The following ZNF107 variants were observed in gnomAD, a reference collection of about 807,000 sequenced individuals.
The protein encoded by ZNF107 is C2H2 type zinc-finger protein.
ZNF107 carries 19 observed loss-of-function variants against 12.3 expected under a neutral mutation model. That is an observed-to-expected ratio of 1.55 (90% CI 1.08 to 2.27). The LOEUF (loss-of-function observed/expected upper bound fraction) is 2.27, where lower values mean the gene tolerates loss of function less well. Ranked by LOEUF, ZNF107 falls within the 30% of genes most tolerant of loss-of-function variation. ZNF107 has a pLI of 0.00. For synonymous variants in ZNF107, 317 were observed against 330.5 expected, an observed-to-expected ratio of 0.96 and a Z score of 0.44; for missense variants, 958 against 979.9, an observed-to-expected ratio of 0.98 and a Z score of 0.30.
chr7:64,683,307 C>T (rs1789760666), intron 1 of ZNF107, among the ~76,000 whole-genome samples: 1 of 152,180 alleles, frequency 6.6e-6, no homozygotes, highest in African/African-American at 2.4e-5. Context: ...CTCCTTAAGG[C>T]TGCTCTTCTG....
intron 1 of ZNF107, among the ~76,000 whole-genome samples, chr7:64,682,260 A>G (rs368170238): frequency 7.9e-5 from 12 of 151,902 alleles, no homozygotes; most frequent in African/African-American, 2.9e-4. Context: ...ATAATTCTCC[A>G]TCAGCACACC....
intron 3 of ZNF107, among the ~76,000 whole-genome samples, chr7:64,692,259 G>T (rs1315911155): frequency 6.6e-6 from 1 of 152,014 alleles, no homozygotes; most frequent in African/African-American, 2.4e-5. Context: ...TGTTTTGGGG[G>T]ACACACATAC....
Position 64,706,865 on chromosome 7 carries a change from C to T in ZNF107, c.768C>T (p.Pro256=). The change falls in exon 4 of 4, where the codon CCC becomes CCT. Residue 256 remains proline, a synonymous_variant. Transcript: ENST00000620827. ...RHKIIHTEEK[P]NKCEECGKAF... Reference sequence around the variant, plus strand: ...AGATAATTCATACTGAAGAGAAACCCAACAAATGTGAAGAATGTGGCAAGG... The same window carrying T: ...AGATAATTCATACTGAAGAGAAACCTAACAAATGTGAAGAATGTGGCAAGG... The T allele has an allele frequency of 6.2e-7, 1 of 1,613,418 alleles. No individual in the cohort carries two copies. Among genetic ancestry groups the T allele is most frequent in the South Asian group, 1.1e-5 (1 of 91,008 alleles).
chr7:64,679,253 T>TC, intron 1 of ZNF107: 1 of 984,906 alleles, frequency 1.0e-6, no homozygotes, highest in Non-Finnish European at 1.2e-6. Flanking sequence ...CTTAACCCCT[T>TC]CCCCCGACTT....
At chr7:64,685,918 C>T (rs927687735) in intron 1 of ZNF107, among the ~76,000 whole-genome samples, 1 of 152,136 alleles carries the variant, frequency 6.6e-6, no homozygotes, top group Non-Finnish European at 1.5e-5. Context: ...AATACCCTTG[C>T]TTATAGGACT....
At chr7:64,691,576 G>C (rs1790119726) in intron 2 of ZNF107, among the ~76,000 whole-genome samples, 1 of 152,102 alleles carries the variant, frequency 6.6e-6, no homozygotes, top group East Asian at 1.9e-4. Flanking sequence ...ACATTAGTGA[G>C]CTAATCTGTA....
At chr7:64,702,702 C>T (rs2128967098) in intron 3 of ZNF107, among the ~76,000 whole-genome samples, 1 of 152,150 alleles carries the variant, frequency 6.6e-6, no homozygotes, top group East Asian at 1.9e-4. Flanking sequence ...GGATTACAGA[C>T]ATGTGCCACT....
At chr7:64,696,044 C>T (rs567709783) in intron 3 of ZNF107, among the ~76,000 whole-genome samples, 1 of 151,840 alleles carries the variant, frequency 6.6e-6, no homozygotes, top group South Asian at 2.1e-4. Flanking sequence ...GCTTGGAAAA[C>T]ATATGGAGAT....
At chr7:64,701,959 C>A (rs1170726638) in intron 3 of ZNF107, among the ~76,000 whole-genome samples, 2 of 152,038 alleles carry the variant, frequency 1.3e-5, no homozygotes, top group African/African-American at 4.8e-5. Context: ...ATAAATGAAG[C>A]TACTATTATC....
In ZNF107 at chr7:64,709,044, T is replaced by G. The variant is rs1790798492; in HGVS notation, c.*388T>G. The G allele has an allele frequency of 2.2e-6, 1 of 459,046 alleles. No individual in the cohort carries two copies. The highest frequency in any genetic ancestry group is 1.7e-5 in the South Asian group (1 of 57,296). The allele number at this position is 459,046 out of a possible 1,614,324, so 28.4% of individuals were successfully genotyped here. A position where few individuals can be genotyped will look rare whatever the true frequency, so the allele number is the denominator to read the frequency against. Reference sequence around the variant, plus strand: ...GATAATTTATACTGGAGAGGAACTCTATAGTTGTGAAGAATGTGGCAAAGC... The same window carrying G: ...GATAATTTATACTGGAGAGGAACTCGATAGTTGTGAAGAATGTGGCAAAGC... On this transcript the variant is annotated 3_prime_UTR_variant, in exon 4 of 4. Coordinates refer to ENST00000620827, the MANE Select transcript of ZNF107 (RefSeq NM_001282359.2).
intron 1 of ZNF107, among the ~76,000 whole-genome samples, chr7:64,676,913 G>C (rs1376524822): frequency 6.6e-6 from 1 of 151,884 alleles, no homozygotes; most frequent in African/African-American, 2.4e-5. Flanking sequence ...CTATTTGTCT[G>C]TGTCATCTTA....
At chr7:64,670,262 G>A (rs1789171228) in intron 1 of ZNF107, among the ~76,000 whole-genome samples, 1 of 152,102 alleles carries the variant, frequency 6.6e-6, no homozygotes, top group Admixed American at 6.6e-5. Flanking sequence ...GAATTGCAAA[G>A]TTTAGGCAGA....
intron 1 of ZNF107, among the ~76,000 whole-genome samples, chr7:64,666,504 C>T (rs760651063): frequency 1.4e-4 from 21 of 152,146 alleles, no homozygotes; most frequent in Non-Finnish European, 2.5e-4. Context: ...ACAGCCGGGA[C>T]CCTGGGCGTC....
intron 3 of ZNF107, among the ~76,000 whole-genome samples, chr7:64,700,506 C>CGTTTT (rs368830901): frequency 1.5e-5 from 1 of 66,226 alleles, no homozygotes; most frequent in African/African-American, 6.2e-5. Flanking sequence ...CCAAATAAAC[C>CGTTTT]TTTTTTTTTT....
Position 64,706,716 on chromosome 7 carries a change from G to A in ZNF107, c.619G>A (p.Gly207Arg). The A allele has an allele frequency of 6.2e-7, 1 of 1,612,504 alleles. No homozygotes were observed. The highest frequency in any genetic ancestry group is 2.2e-5 in the East Asian group (1 of 44,854). The change falls in exon 4 of 4, where the codon GGA (glycine) becomes AGA (arginine). Residue 207 changes from glycine (G) to arginine (R), a missense_variant. Coordinates refer to ENST00000620827, the MANE Select transcript of ZNF107 (RefSeq NM_001282359.2). Reference sequence around the variant, plus strand: ...GAATTCCTACAAATGTGAAGAATGTGGAAAAGCCTTTAACTGGTTCTCAAC... The same window carrying A: ...GAATTCCTACAAATGTGAAGAATGTAGAAAAGCCTTTAACTGGTTCTCAAC... ...RVNSYKCEEC[G>R]KAFNWFSTLT...
At position 64,707,898 on chromosome 7, in the gene ZNF107, G is replaced by T. The variant is rs965174340; in HGVS notation, c.1801G>T (p.Ala601Ser). 5.0e-6 allele frequency: 8 copies of T among 1,613,516 alleles called. No individual in the cohort carries two copies. The Admixed American group carries it at 5.0e-5, about 10-fold the overall frequency. Reference protein sequence around the residue: ...KLNKCEEFGKAFKQSSHRTIH... With the variant: ...KLNKCEEFGKSFKQSSHRTIH... ...CAACAAATGTGAAGAATTTGGCAAG[G>T]CCTTTAAACAGTCCTCACACCGTAC... Residue 601 changes from alanine to serine, a missense_variant, in exon 4 of 4, where the codon GCC becomes TCC. Ala to Ser is a moderately conservative substitution (Grantham distance 99, BLOSUM62 1). Coordinates refer to ENST00000620827, the MANE Select transcript of ZNF107 (RefSeq NM_001282359.2).
intron 1 of ZNF107, among the ~76,000 whole-genome samples, chr7:64,681,143 C>T (rs142069083): frequency 1.9e-4 from 29 of 152,192 alleles, no homozygotes; most frequent in African/African-American, 6.3e-4. Flanking sequence ...CTCGGCTTGG[C>T]GGCTGAGGAA....
chr7:64,668,163 A>G (rs921837947), intron 1 of ZNF107, among the ~76,000 whole-genome samples: 3 of 151,054 alleles, frequency 2.0e-5, no homozygotes, highest in Admixed American at 2.0e-4. Context: ...CTTTTTTTTT[A>G]TTATTATTAT....
intron 3 of ZNF107, among the ~76,000 whole-genome samples, chr7:64,695,491 T>C (rs901357837): frequency 6.6e-6 from 1 of 152,218 alleles, no homozygotes; most frequent in Non-Finnish European, 1.5e-5. Flanking sequence ...AGTGTGGTTT[T>C]TCAGTGTAGG....
Sources: allele counts gnomAD v4.1 joint callset (sites outside exome capture counted in the v4.1 genomes callset), GRCh38; gene constraint gnomAD v4.1.1; transcripts MANE v1.5; gene names NCBI Gene and HGNC (gene_info 2026-07-23, HGNC 2026-07-21).